The following MSI2 variants were observed in gnomAD, a reference collection of about 807,000 sequenced individuals.
The protein encoded by MSI2 is RNA-binding protein Musashi homolog 2.
Under a neutral mutation model 45.6 loss-of-function variants are expected in MSI2, and 17 were observed. The observed-to-expected ratio is 0.37, with a 90% CI of 0.26 to 0.56. The LOEUF (loss-of-function observed/expected upper bound fraction) is 0.56. Ranked by LOEUF, MSI2 falls within the 20% of genes least tolerant of loss-of-function variation. The pLI, the probability that MSI2 is intolerant of heterozygous loss-of-function variation, is 0.77. For missense variants in MSI2, 293 were observed against 444.2 expected (o/e 0.66, Z 3.06); for synonymous variants, 156 against 158.2 (o/e 0.99, Z 0.11).
intron 5 of MSI2, among the ~76,000 whole-genome samples, chr17:57,269,078 G>A (rs1205852976): frequency 6.6e-6 from 1 of 152,184 alleles, no homozygotes; most frequent in African/African-American, 2.4e-5. Context: ...GGCAATCTAA[G>A]CTTCTAGGAA....
chr17:57,601,949 T>G (rs1905927162), intron 8 of MSI2: 1 of 152,234 alleles, frequency 6.6e-6, no homozygotes, highest in Non-Finnish European at 1.5e-5. Flanking sequence ...TGAACCTGTG[T>G]CATTCTGGTT....
At chr17:57,258,397 C>G (rs80132675) in intron 4 of MSI2, 43 bp downstream of exon 4, 1 of 1,500,712 alleles carries the variant, frequency 6.7e-7, no homozygotes, top group Non-Finnish European at 9.3e-7. Context: ...TTTTCAGGAA[C>G]GATCTGGGCA....
At chr17:57,325,474 A>G (rs1398379009) in intron 5 of MSI2, among the ~76,000 whole-genome samples, 1 of 152,184 alleles carries the variant, frequency 6.6e-6, no homozygotes, top group African/African-American at 2.4e-5. Flanking sequence ...TTAAAAACAA[A>G]AAAAGAAAGT....
intron 7 of MSI2, among the ~76,000 whole-genome samples, chr17:57,539,298 A>G (rs189428618): frequency 6.7e-6 from 1 of 149,916 alleles, no homozygotes; most frequent in East Asian, 2.0e-4. Flanking sequence ...TGCACTTATT[A>G]CCTATTCATT....
chr17:57,405,895 T>C (rs527732529), intron 6 of MSI2, among the ~76,000 whole-genome samples: 1 of 152,216 alleles, frequency 6.6e-6, no homozygotes, highest in South Asian at 2.1e-4. Flanking sequence ...AGATCTATTA[T>C]GTAGGTGGTG....
chr17:57,489,890 A>G (rs975524140), intron 6 of MSI2, among the ~76,000 whole-genome samples: 6 of 152,202 alleles, frequency 3.9e-5, no homozygotes, highest in African/African-American at 1.4e-4. Context: ...TGGGCACTGC[A>G]AACTCATGTT....
chr17:57,422,990 C>G (rs930558532), intron 6 of MSI2, among the ~76,000 whole-genome samples: 1 of 152,124 alleles, frequency 6.6e-6, no homozygotes, highest in Non-Finnish European at 1.5e-5. Flanking sequence ...GATGACTGTA[C>G]TGGGTGCGTG....
rs142205690 is a variant in MSI2, at chr17:57,542,695, A to C, written c.454+12971A>C. Among the ~76,000 whole-genome samples, 709 of 152,284 alleles carry C rather than the reference A, an allele frequency of 4.7e-3. 3 individuals are homozygous for C. Among genetic ancestry groups the C allele is most frequent in the African/African-American group, 0.015 (632 of 41,554 alleles). On this transcript the variant is annotated intron_variant, in intron 7 of 13. Transcript: ENST00000284073. ...CCCCTGGGTCACATGACCTTCAAGGAGCCTTCCAGCTTTCAAACCCTTTAA... is the reference window on the plus strand; with the variant it reads ...CCCCTGGGTCACATGACCTTCAAGGCGCCTTCCAGCTTTCAAACCCTTTAA...
intron 6 of MSI2, among the ~76,000 whole-genome samples, chr17:57,456,888 G>T (rs1460401227): frequency 6.6e-6 from 1 of 152,192 alleles, no homozygotes; most frequent in East Asian, 1.9e-4. Flanking sequence ...AAGGCTCTTT[G>T]AGTTGGGAGC....
chr17:57,566,310 A>C (rs1031718305), intron 7 of MSI2, among the ~76,000 whole-genome samples: 1 of 152,226 alleles, frequency 6.6e-6, no homozygotes, highest in Non-Finnish European at 1.5e-5. Context: ...TATCTTGATT[A>C]AATGGTCTGC....
chr17:57,432,253 C>T (rs913879101), intron 6 of MSI2, among the ~76,000 whole-genome samples: 11 of 152,120 alleles, frequency 7.2e-5, no homozygotes, highest in Non-Finnish European at 1.3e-4. Context: ...TGTGAGGCCC[C>T]GAGGAGCCAG....
At chr17:57,435,617 C>T (rs964189458) in intron 6 of MSI2, among the ~76,000 whole-genome samples, 3 of 152,162 alleles carry the variant, frequency 2.0e-5, no homozygotes, top group African/African-American at 2.4e-5. Flanking sequence ...CTGAGCTACT[C>T]GTGCACTTAA....
chr17:57,605,079 C>A (rs1370332797), intron 8 of MSI2, among the ~76,000 whole-genome samples: 1 of 152,154 alleles, frequency 6.6e-6, no homozygotes, highest in African/African-American at 2.4e-5. Flanking sequence ...CTTCTGTTGC[C>A]ATTTATAAAA....
chr17:57,389,376 C>T, intron 5 of MSI2, among the ~76,000 whole-genome samples: 1 of 152,198 alleles, frequency 6.6e-6, no homozygotes, highest in East Asian at 1.9e-4. Flanking sequence ...ATCCTCCTTG[C>T]ATCCCACAAT....
chr17:57,334,812 A>G (rs1914565584), intron 5 of MSI2, among the ~76,000 whole-genome samples: 1 of 151,984 alleles, frequency 6.6e-6, no homozygotes, highest in Admixed American at 6.5e-5. Flanking sequence ...AAATAAATAA[A>G]TAAGATAAAA....
intron 7 of MSI2, among the ~76,000 whole-genome samples, chr17:57,557,820 G>A (rs941325145): frequency 6.6e-6 from 1 of 152,246 alleles, no homozygotes; most frequent in Non-Finnish European, 1.5e-5. Context: ...TGGGTTAAAA[G>A]AGCAGAACTG....
intron 5 of MSI2, chr17:57,264,769 C>A (rs16958130): frequency 0.14 from 21,740 of 152,264 alleles, 2,917 homozygotes; most frequent in African/African-American, 0.36. Flanking sequence ...CCCTTCACCA[C>A]TGTGCCATGC....
At chr17:57,592,938 GCTTC>G (rs1904967556) in intron 7 of MSI2, among the ~76,000 whole-genome samples, 1 of 152,182 alleles carries the variant, frequency 6.6e-6, no homozygotes, top group Non-Finnish European at 1.5e-5. Flanking sequence ...CAGGAAAGCA[GCTTC>G]CATGGCCGGG....
intron 6 of MSI2, among the ~76,000 whole-genome samples, chr17:57,420,701 G>A (rs1445104673): frequency 6.6e-6 from 1 of 152,182 alleles, no homozygotes; most frequent in African/African-American, 2.4e-5. Flanking sequence ...TCTTGGGTTA[G>A]TGCCTGTCCC....
Sources: gnomAD v4.1 joint callset for allele counts (sites outside exome capture counted in the v4.1 genomes callset) on GRCh38, gnomAD v4.1.1 for gene constraint, MANE v1.5 for transcripts, NCBI Gene and HGNC (gene_info 2026-07-23, HGNC 2026-07-21) for gene names.